Variants in CSMD2 observed in about 807,000 individuals in gnomAD.
CSMD2 encodes CUB and sushi domain-containing protein 2.
CSMD2 carries 130 observed loss-of-function variants against 398.5 expected under a neutral mutation model. That is an observed-to-expected ratio of 0.33 (90% CI 0.28 to 0.38). The LOEUF is 0.38. Ranked by LOEUF, CSMD2 falls within the 10% of genes least tolerant of loss-of-function variation. CSMD2 has a pLI of 1.00. For missense variants in CSMD2, 3,829 were observed against 4,764.9 expected (o/e 0.80, Z 5.78); for synonymous variants, 1,828 against 1,908.5 (o/e 0.96, Z 1.10).
At chr1:33,634,199 G>T (rs1428110218) in intron 31 of CSMD2, among the ~76,000 whole-genome samples, 1 of 152,206 alleles carries the variant, frequency 6.6e-6, no homozygotes, top group Non-Finnish European at 1.5e-5. Context: ...GCAGGAGTGG[G>T]TGTACTGATG....
At chr1:33,710,816 T>C (rs7525953) in intron 21 of CSMD2, among the ~76,000 whole-genome samples, 3,714 of 152,262 alleles carry the variant, frequency 0.024, 123 homozygotes, top group African/African-American at 0.076. Flanking sequence ...TTGTGTTTTA[T>C]CTTGTCCTAA....
chr1:33,737,270 G>A (rs1646915113), intron 15 of CSMD2, among the ~76,000 whole-genome samples: 1 of 152,204 alleles, frequency 6.6e-6, no homozygotes, highest in Non-Finnish European at 1.5e-5. Flanking sequence ...GGCAGATGAG[G>A]TTGTACAGAC....
At chr1:33,701,677 G>T (rs1233221701) in intron 22 of CSMD2, among the ~76,000 whole-genome samples, 1 of 152,228 alleles carries the variant, frequency 6.6e-6, no homozygotes, top group Non-Finnish European at 1.5e-5. Flanking sequence ...TTAGGCTCCT[G>T]GGAGCCTGAA....
intron 5 of CSMD2, among the ~76,000 whole-genome samples, chr1:33,872,557 T>C (rs1250355358): frequency 6.6e-6 from 1 of 152,160 alleles, no homozygotes; most frequent in Non-Finnish European, 1.5e-5. Flanking sequence ...CTTGGCCATC[T>C]TTTCAAGAGG....
chr1:33,651,904 A>G (rs879292561), intron 28 of CSMD2, among the ~76,000 whole-genome samples: 1 of 151,970 alleles, frequency 6.6e-6, no homozygotes, highest in Non-Finnish European at 1.5e-5. Context: ...GGAATGGAAA[A>G]GCAAGTGCAG....
intron 15 of CSMD2, among the ~76,000 whole-genome samples, chr1:33,731,417 A>G (rs1049270772): frequency 6.6e-6 from 1 of 152,214 alleles, no homozygotes; most frequent in African/African-American, 2.4e-5. Context: ...ATTCTGTTGA[A>G]GACATTGCCT....
chr1:34,029,255 G>T (rs992000140), intron 3 of CSMD2, among the ~76,000 whole-genome samples: 14 of 152,114 alleles, frequency 9.2e-5, no homozygotes, highest in African/African-American at 3.1e-4. Context: ...AATGGAGGAA[G>T]GGGGCTGAGC....
intron 3 of CSMD2, among the ~76,000 whole-genome samples, chr1:34,003,304 G>C (rs1308437153): frequency 6.6e-6 from 1 of 152,162 alleles, no homozygotes; most frequent in African/African-American, 2.4e-5. Flanking sequence ...GAGAACAAGT[G>C]CTCTTGTTTC....
In CSMD2 at chr1:34,116,659, T is replaced by C. The variant is rs370986359; in HGVS notation, c.188-27466A>G. On this transcript the variant is annotated intron_variant, in intron 1 of 70. Transcript: ENST00000373381. The stretch of plus-strand genomic sequence containing the variant: ...AGACCAATTGGACCAAATAGACATA[T>C]CTAGAATACCCTACCCAACAACAGA... Among the ~76,000 whole-genome samples, 267 of 152,152 alleles carry C rather than the reference T, an allele frequency of 1.8e-3. 1 individual carries two copies. The highest frequency in any genetic ancestry group is 6.0e-3 in the African/African-American group (251 of 41,548).
chr1:34,140,293 C>CAA (rs6143187), intron 1 of CSMD2, among the ~76,000 whole-genome samples: 30 of 138,762 alleles, frequency 2.2e-4, no homozygotes, highest in Non-Finnish European at 3.4e-4. Context: ...TCGGCATATG[C>CAA]AAAAAAACAA....
At chr1:33,936,528 G>A (rs921311231) in intron 3 of CSMD2, among the ~76,000 whole-genome samples, 1 of 152,208 alleles carries the variant, frequency 6.6e-6, no homozygotes, top group Non-Finnish European at 1.5e-5. Flanking sequence ...GTTCTCATCA[G>A]CCTGACTGGT....
intron 2 of CSMD2, among the ~76,000 whole-genome samples, chr1:34,082,150 C>T (rs1295981095): frequency 6.7e-6 from 1 of 149,870 alleles, no homozygotes; most frequent in Non-Finnish European, 1.5e-5. Flanking sequence ...ATGTGAGGAG[C>T]ACCTCTGCCC....
At chr1:33,654,242 CTCATT>C (rs1643884668) in intron 27 of CSMD2, among the ~76,000 whole-genome samples, 1 of 152,310 alleles carries the variant, frequency 6.6e-6, no homozygotes, top group African/African-American at 2.4e-5. Context: ...GATACACTAT[CTCATT>C]TATGTCTCAT....
chr1:33,918,360 C>T, intron 4 of CSMD2, 59 bp from the exon 5 acceptor site: 2 of 1,390,542 alleles, frequency 1.4e-6, no homozygotes, highest in South Asian at 2.4e-5. Context: ...CCCTAGCACT[C>T]ACCATGGGCT....
intron 55 of CSMD2, among the ~76,000 whole-genome samples, chr1:33,551,707 C>T (rs573669230): frequency 6.6e-6 from 1 of 152,244 alleles, no homozygotes; most frequent in Non-Finnish European, 1.5e-5. Flanking sequence ...CTGCTACTAA[C>T]AATTCCTCCC....
intron 40 of CSMD2, among the ~76,000 whole-genome samples, chr1:33,612,615 C>T (rs1641082807): frequency 6.6e-6 from 1 of 151,950 alleles, no homozygotes; most frequent in Admixed American, 6.5e-5. Context: ...AATTATCCAA[C>T]CATACAGTTC....
chr1:33,617,254 T>C (rs1395783568), intron 38 of CSMD2, among the ~76,000 whole-genome samples: 1 of 152,244 alleles, frequency 6.6e-6, no homozygotes, highest in Admixed American at 6.5e-5. Flanking sequence ...AAAGGGAAAT[T>C]AAATTTCCCT....
rs552550285 is a variant in CSMD2 at position 33,938,883 on chromosome 1, T to C, written c.518-2929A>G. On this transcript the variant is annotated intron_variant, in intron 3 of 70. Transcript: ENST00000373381. Reference sequence around the variant, plus strand: ...TTACTTGGCATTTCCCATAATCCCATGTTGCTGGCTTACTTGGCATTTCCC... The same window carrying C: ...TTACTTGGCATTTCCCATAATCCCACGTTGCTGGCTTACTTGGCATTTCCC... Among the ~76,000 whole-genome samples the C allele has an allele frequency of 9.2e-5, 14 of 151,630 alleles. 1 individual carries two copies. Among genetic ancestry groups the C allele is most frequent in the African/African-American group, 3.1e-4 (13 of 41,328 alleles).
chr1:33,668,627 T>A (rs921876320), intron 25 of CSMD2, among the ~76,000 whole-genome samples: 6 of 152,242 alleles, frequency 3.9e-5, no homozygotes, highest in Non-Finnish European at 8.8e-5. Context: ...ACACTGGGTC[T>A]TCTTCTGGCT....
Sources: allele counts gnomAD v4.1 joint callset (sites outside exome capture counted in the v4.1 genomes callset), GRCh38; gene constraint gnomAD v4.1.1; transcripts MANE v1.5; gene names NCBI Gene and HGNC (gene_info 2026-07-23, HGNC 2026-07-21).